The following P4HA1 variants were observed in gnomAD, a reference collection of about 807,000 sequenced individuals.
The protein encoded by P4HA1 is prolyl 4-hydroxylase subunit alpha-1.
In P4HA1, 24 loss-of-function variants were observed where a neutral mutation model predicts 72.8. That is an observed-to-expected ratio of 0.33 (90% CI 0.24 to 0.46). The LOEUF (loss-of-function observed/expected upper bound fraction) is 0.46. P4HA1 is among the 20% of genes least tolerant of loss of function. The pLI is 1.00. For missense variants in P4HA1, 446 were observed against 640.6 expected (o/e 0.70, Z 3.28); for synonymous variants, 201 against 218.8 (o/e 0.92, Z 0.72).
At chr10:73,057,780 G>A (rs1841186803) in intron 5 of P4HA1, among the ~76,000 whole-genome samples, 1 of 151,892 alleles carries the variant, frequency 6.6e-6, no homozygotes, top group African/African-American at 2.4e-5. Flanking sequence ...AATGAAAATG[G>A]TATACATAAA....
At chr10:73,045,149 T>TA in intron 8 of P4HA1, 98 bp from the exon 9 acceptor site, 1 of 940,962 alleles carries the variant, frequency 1.1e-6, no homozygotes, top group Admixed American at 2.1e-5. Context: ...CAAAGGAGGC[T>TA]AAAAAGAGAA....
At chr10:73,020,207 G>A (rs982604581) in intron 10 of P4HA1, among the ~76,000 whole-genome samples, 2 of 151,920 alleles carry the variant, frequency 1.3e-5, no homozygotes, top group Non-Finnish European at 2.9e-5. Flanking sequence ...AATAACAAAG[G>A]TGACATTACA....
intron 9 of P4HA1, among the ~76,000 whole-genome samples, chr10:73,040,334 A>T (rs1265948388): frequency 1.3e-5 from 2 of 152,018 alleles, no homozygotes; most frequent in Non-Finnish European, 2.9e-5. Context: ...TTTTAAGTGT[A>T]TAGATCACTT....
Position 73,073,792 on chromosome 10 carries a change from G to C in P4HA1, c.112C>G (p.Leu38Val). ...ATATAATCTTTCAGAGAAGTCACCA[G>C]ATCTTTCTCAGTATGGATCAAATCA... is the stretch of plus-strand genomic sequence containing the variant. ...MTDLIHTEKDLVTSLKDYIKA... is the reference protein window; with the variant it reads ...MTDLIHTEKDVVTSLKDYIKA... Residue 38 changes from leucine (L) to valine (V), a missense_variant, in exon 3 of 15, where the codon CTG becomes GTG. Coordinates refer to ENST00000394890, the MANE Select transcript of P4HA1 (RefSeq NM_001017962.3). 1 of 1,589,594 alleles carries C rather than the reference G, an allele frequency of 6.3e-7. No individual in the cohort carries two copies. The highest frequency in any genetic ancestry group is 8.6e-7 in the Non-Finnish European group (1 of 1,158,358).
At chr10:73,059,794 A>G (rs1272959203) in intron 5 of P4HA1, among the ~76,000 whole-genome samples, 1 of 151,732 alleles carries the variant, frequency 6.6e-6, no homozygotes. Context: ...AAAAAAAAAT[A>G]GCCAGGTATG....
chr10:73,089,229 A>G (rs930095731), intron 1 of P4HA1, among the ~76,000 whole-genome samples: 1 of 152,176 alleles, frequency 6.6e-6, no homozygotes, highest in Admixed American at 6.5e-5. Flanking sequence ...GGAATTTTTC[A>G]CTTTAGTTTC....
At chr10:73,031,247 G>A (rs1158929303) in intron 9 of P4HA1, among the ~76,000 whole-genome samples, 2 of 152,208 alleles carry the variant, frequency 1.3e-5, no homozygotes, top group African/African-American at 2.4e-5. Flanking sequence ...ACTTTGGGAG[G>A]CTGAGGTGGA....
intron 12 of P4HA1, among the ~76,000 whole-genome samples, chr10:73,013,887 ATGTG>A (rs1428265680): frequency 6.6e-6 from 1 of 152,138 alleles, no homozygotes; most frequent in Non-Finnish European, 1.5e-5. Context: ...TACTGAAATA[ATGTG>A]TATGTGTATG....
At chr10:73,068,797 C>T in intron 5 of P4HA1, 49 bp downstream of exon 5, 5 of 1,492,230 alleles carry the variant, frequency 3.4e-6, no homozygotes, top group Non-Finnish European at 4.7e-6. Context: ...ATGGACTCAA[C>T]AGAGAAGCTA....
At chr10:73,049,476 A>G (rs1409930768) in intron 7 of P4HA1, among the ~76,000 whole-genome samples, 1 of 152,222 alleles carries the variant, frequency 6.6e-6, no homozygotes, top group Non-Finnish European at 1.5e-5. Flanking sequence ...ATTGAGAAAG[A>G]ATGTATATCA....
intron 5 of P4HA1, among the ~76,000 whole-genome samples, chr10:73,060,773 T>C (rs2133112969): frequency 6.6e-6 from 1 of 152,088 alleles, no homozygotes; most frequent in Middle Eastern, 3.4e-3. Context: ...AATGGGATAA[T>C]CTGAGATCAA....
chr10:73,063,300 G>A (rs1841351600), intron 5 of P4HA1, among the ~76,000 whole-genome samples: 1 of 152,192 alleles, frequency 6.6e-6, no homozygotes, highest in South Asian at 2.1e-4. Flanking sequence ...TCCTCCAGAG[G>A]GGAAGAATGC....
chr10:73,020,426 A>G (rs1323919523), intron 10 of P4HA1, among the ~76,000 whole-genome samples: 2 of 152,218 alleles, frequency 1.3e-5, no homozygotes, highest in East Asian at 3.9e-4. Context: ...CAAAAAAACA[A>G]AAAAACAACC....
At chr10:73,080,636 T>C (rs1319238933) in intron 1 of P4HA1, among the ~76,000 whole-genome samples, 1 of 152,098 alleles carries the variant, frequency 6.6e-6, no homozygotes, top group Non-Finnish European at 1.5e-5. Flanking sequence ...TTAACAATGG[T>C]TTCTAGCCGG....
intron 10 of P4HA1, among the ~76,000 whole-genome samples, chr10:73,017,721 C>T (rs1195223404): frequency 6.6e-6 from 1 of 152,162 alleles, no homozygotes. Flanking sequence ...TTGCTTACGA[C>T]AATGTCCCAG....
At chr10:73,018,774 C>A (rs898176676) in intron 10 of P4HA1, among the ~76,000 whole-genome samples, 4 of 152,064 alleles carry the variant, frequency 2.6e-5, no homozygotes, top group Non-Finnish European at 5.9e-5. Flanking sequence ...TGGGCCAGGG[C>A]TGTGCCCTGT....
At chr10:73,072,992 A>C (rs2133133825) in intron 3 of P4HA1, among the ~76,000 whole-genome samples, 1 of 152,068 alleles carries the variant, frequency 6.6e-6, no homozygotes, top group Middle Eastern at 3.4e-3. Context: ...CAACATGGCA[A>C]AACCCCGTCT....
chr10:73,044,154 G>A (rs1840800910), intron 9 of P4HA1, among the ~76,000 whole-genome samples: 1 of 152,060 alleles, frequency 6.6e-6, no homozygotes, highest in Non-Finnish European at 1.5e-5. Context: ...GAGAAAATGA[G>A]TTGACAGATT....
At chr10:73,072,208 T>C (rs775129724) in intron 3 of P4HA1, 28 bp from the exon 4 acceptor site, 1 of 1,561,758 alleles carries the variant, frequency 6.4e-7, no homozygotes, top group East Asian at 2.3e-5. Context: ...AAAAACTGAA[T>C]ATTTATATTT....
Sources: gnomAD v4.1 joint callset for allele counts (sites outside exome capture counted in the v4.1 genomes callset) on GRCh38, gnomAD v4.1.1 for gene constraint, MANE v1.5 for transcripts, NCBI Gene and HGNC (gene_info 2026-07-23, HGNC 2026-07-21) for gene names.